Variants in METTL15 observed in about 807,000 individuals in gnomAD.
METTL15 encodes methyltransferase 15, mitochondrial 12S rRNA N4-cytidine.
Under a neutral mutation model 38.3 loss-of-function variants are expected in METTL15, and 34 were observed. The observed-to-expected ratio is 0.89, with a 90% CI of 0.68 to 1.18. The LOEUF is 1.18. METTL15 is among the 50% of genes most tolerant of loss of function. METTL15 has a pLI of 0.00. For synonymous variants in METTL15, 162 were observed against 170.9 expected (o/e 0.95, Z 0.41); for missense variants, 438 against 498.4 (o/e 0.88, Z 1.15).
At chr11:28,374,340 T>C (rs1435878194) in intron 5 of METTL15, among the ~76,000 whole-genome samples, 1 of 152,148 alleles carries the variant, frequency 6.6e-6, no homozygotes, top group Non-Finnish European at 1.5e-5. Flanking sequence ...TTTTATTTCA[T>C]TGAGCAGCGG....
At chr11:28,173,544 G>A (rs1412664039) in intron 3 of METTL15, among the ~76,000 whole-genome samples, 3 of 152,134 alleles carry the variant, frequency 2.0e-5, no homozygotes, top group African/African-American at 7.2e-5. Flanking sequence ...ACTAAGACAT[G>A]ATATAACCTA....
At chr11:28,286,976 CTCTCCACACTATATATATATGTAT>C (rs1290171026) in intron 4 of METTL15, among the ~76,000 whole-genome samples, 14 of 149,016 alleles carry the variant, frequency 9.4e-5, no homozygotes, top group Non-Finnish European at 1.8e-4. Context: ...TATATATGTA[CTCTCCACACTATATATATATGTAT>C]TCTCCACACT....
chr11:28,210,722 A>T (rs1263171066), intron 3 of METTL15, among the ~76,000 whole-genome samples: 1 of 151,992 alleles, frequency 6.6e-6, no homozygotes, highest in Admixed American at 6.6e-5. Context: ...AATTATTGAA[A>T]ATGTTATTAC....
intron 5 of METTL15, among the ~76,000 whole-genome samples, chr11:28,389,629 C>T (rs927725139): frequency 6.6e-6 from 1 of 152,090 alleles, no homozygotes; most frequent in Middle Eastern, 3.4e-3. Context: ...TCCAGTCTAT[C>T]ATTGTTGGGC....
intron 5 of METTL15, among the ~76,000 whole-genome samples, chr11:28,386,801 G>A (rs573371907): frequency 3.9e-5 from 6 of 151,980 alleles, no homozygotes; most frequent in East Asian, 3.9e-4. Flanking sequence ...AATAGATTCC[G>A]TGTTAGATCA....
chr11:28,486,720 T>C (rs1851442576), intron 6 of METTL15, among the ~76,000 whole-genome samples: 1 of 152,222 alleles, frequency 6.6e-6, no homozygotes, highest in Non-Finnish European at 1.5e-5. Flanking sequence ...CTCAACTGTC[T>C]TCTTCCTAAT....
At chr11:28,126,283 G>GT (rs1852483137) in intron 3 of METTL15, among the ~76,000 whole-genome samples, 1 of 151,880 alleles carries the variant, frequency 6.6e-6, no homozygotes, top group South Asian at 2.1e-4. Context: ...TTGTTTGTTT[G>GT]TTTTTTCCTT....
chr11:28,508,351 G>T (rs1296297103), intron 6 of METTL15, among the ~76,000 whole-genome samples: 1 of 152,114 alleles, frequency 6.6e-6, no homozygotes, highest in African/African-American at 2.4e-5. Flanking sequence ...TTATATAATA[G>T]CTGCCTAACA....
chr11:28,462,974 G>C (rs1851228561), intron 6 of METTL15, among the ~76,000 whole-genome samples: 1 of 152,038 alleles, frequency 6.6e-6, no homozygotes. Context: ...TTTGTTGGGG[G>C]AATGACAAGG....
intron 3 of METTL15, among the ~76,000 whole-genome samples, chr11:28,208,512 G>T (rs1852469065): frequency 6.6e-6 from 1 of 151,944 alleles, no homozygotes; most frequent in South Asian, 2.1e-4. Flanking sequence ...CATTTGCTGA[G>T]GAGAGCTTTA....
At chr11:28,210,084 T>A (rs1304422889) in intron 3 of METTL15, among the ~76,000 whole-genome samples, 1 of 152,002 alleles carries the variant, frequency 6.6e-6, no homozygotes, top group Non-Finnish European at 1.5e-5. Context: ...ATATGTTTCT[T>A]ATGATCCAGG....
chr11:28,403,129 C>A (rs930138072), intron 5 of METTL15, among the ~76,000 whole-genome samples: 1 of 151,938 alleles, frequency 6.6e-6, no homozygotes, highest in Non-Finnish European at 1.5e-5. Flanking sequence ...TTTCTGACAG[C>A]AGATGTATGG....
intron 4 of METTL15, among the ~76,000 whole-genome samples, chr11:28,288,293 C>T (rs575112702): frequency 2.6e-5 from 4 of 152,272 alleles, no homozygotes; most frequent in African/African-American, 9.6e-5. Flanking sequence ...TACCATTCAA[C>T]CCAGCAATGC....
intron 3 of METTL15, among the ~76,000 whole-genome samples, chr11:28,210,568 T>A (rs911772291): frequency 1.3e-5 from 2 of 152,006 alleles, no homozygotes; most frequent in Non-Finnish European, 2.9e-5. Flanking sequence ...AGATTTTATC[T>A]GATTTGTCCT....
intron 5 of METTL15, chr11:28,398,739 C>T (rs1200119915): frequency 6.6e-6 from 1 of 152,064 alleles, no homozygotes; most frequent in Admixed American, 6.6e-5. Flanking sequence ...GTCATGAAGT[C>T]TTTGCCCATG....
At chr11:28,327,862 T>G in intron 6 of METTL15, 2 of 396,758 alleles carry the variant, frequency 5.0e-6, no homozygotes, top group Non-Finnish European at 8.9e-6. Context: ...AAACATTTAT[T>G]GAGCTTTCTG....
intron 5 of METTL15, among the ~76,000 whole-genome samples, chr11:28,391,154 A>G (rs1226286315): frequency 6.6e-6 from 1 of 152,040 alleles, no homozygotes; most frequent in Non-Finnish European, 1.5e-5. Flanking sequence ...TTTTCTAGAT[A>G]TACAATCATG....
intron 5 of METTL15, among the ~76,000 whole-genome samples, chr11:28,388,382 C>G (rs540324444): frequency 9.9e-5 from 15 of 151,904 alleles, no homozygotes; most frequent in Non-Finnish European, 1.5e-4. Context: ...GATATAGAAT[C>G]AACACAAAAA....
intron 3 of METTL15, among the ~76,000 whole-genome samples, chr11:28,204,843 C>T (rs1227183977): frequency 6.6e-6 from 1 of 151,984 alleles, no homozygotes; most frequent in East Asian, 1.9e-4. Context: ...CAAGTGATTT[C>T]TTTACGATTA....
Sources: allele counts gnomAD v4.1 joint callset (sites outside exome capture counted in the v4.1 genomes callset), GRCh38; gene constraint gnomAD v4.1.1; transcripts MANE v1.5; gene names NCBI Gene and HGNC (gene_info 2026-07-23, HGNC 2026-07-21).